DST: variants seen among roughly 807,000 people sequenced by gnomAD.
DST encodes the protein dystonin, also known as bullous pemphigoid antigen.
In DST, 253 loss-of-function variants were observed where a neutral mutation model predicts 875.2. That is an observed-to-expected ratio of 0.29 (90% CI 0.26 to 0.32). The LOEUF (loss-of-function observed/expected upper bound fraction) is 0.32. Ranked by LOEUF, DST falls within the 10% of genes least tolerant of loss-of-function variation. The probability of loss-of-function intolerance (pLI) is 1.00; values close to 1 mark genes in which losing one functional copy is unlikely to be tolerated. For missense variants in DST, 8,287 were observed against 9,111.6 expected, an observed-to-expected ratio of 0.91 and a Z score of 3.68; for synonymous variants, 3,124 against 3,197.1, an observed-to-expected ratio of 0.98 and a Z score of 0.77.
At chr6:56,577,672 C>T (rs1004217445) in intron 50 of DST, among the ~76,000 whole-genome samples, 1 of 152,104 alleles carries the variant, frequency 6.6e-6, no homozygotes, top group East Asian at 1.9e-4. Context: ...TTAATTCATG[C>T]TCTATTTAGG....
At chr6:56,507,007 A>G (rs2096337573) in intron 75 of DST, among the ~76,000 whole-genome samples, 1 of 152,244 alleles carries the variant, frequency 6.6e-6, no homozygotes, top group African/African-American at 2.4e-5. Context: ...TTATAAAGAT[A>G]TTTAAGAAAT....
rs148250164 is a variant in DST, at chr6:56,582,093, T to C, written c.12904-3156A>G. ...TTCCAGGATAATCTCTCTCTTGGATTGTTGAAAAAAGAATCCTAACTGTGT... is the reference window on the plus strand; with the variant it reads ...TTCCAGGATAATCTCTCTCTTGGATCGTTGAAAAAAGAATCCTAACTGTGT... On this transcript the variant is annotated intron_variant, in intron 49 of 103. Transcript: ENST00000680361. 3.3e-5 allele frequency among the ~76,000 whole-genome samples: 5 copies of C among 152,322 alleles called. No homozygotes were observed. In the East Asian group the frequency reaches 9.6e-4, roughly 29 times the overall value.
chr6:56,550,398 T>C (rs2097302664), intron 61 of DST, among the ~76,000 whole-genome samples: 1 of 152,242 alleles, frequency 6.6e-6, no homozygotes, highest in African/African-American at 2.4e-5. Context: ...ATTATCACTC[T>C]ATATTTCTTC....
rs976018343 is a variant in DST at position 56,886,855 on chromosome 6, C to T, written c.417+13566G>A. 7.3e-5 allele frequency among the ~76,000 whole-genome samples: 11 copies of T among 150,290 alleles called. No homozygotes were observed. In the South Asian group the frequency reaches 2.1e-3, roughly 29 times the overall value. ...GAATTCTCATCTCCCAAAGCACAAA[C>T]TAAATTTTGTTCAATTTCCATAGAT... On this transcript the variant is annotated intron_variant, in intron 3 of 103. Coordinates refer to ENST00000680361, the MANE Select transcript of DST (RefSeq NM_001374736.1).
intron 5 of DST, among the ~76,000 whole-genome samples, chr6:56,713,977 G>T (rs13219942): frequency 0.12 from 18,016 of 152,082 alleles, 1,456 homozygotes; most frequent in Middle Eastern, 0.19. Context: ...AATAACCCAG[G>T]ATTATGATCA....
intron 9 of DST, among the ~76,000 whole-genome samples, chr6:56,698,336 T>C (rs2099275199): frequency 1.3e-5 from 2 of 151,974 alleles, no homozygotes; most frequent in Non-Finnish European, 2.9e-5. Context: ...AAAATTTTTT[T>C]TTTTTTTGAG....
intron 73 of DST, among the ~76,000 whole-genome samples, chr6:56,510,387 T>C (rs1027733824): frequency 6.6e-6 from 1 of 152,116 alleles, no homozygotes; most frequent in Non-Finnish European, 1.5e-5. Context: ...AAGTTATGCA[T>C]TTCCTGAATT....
chr6:56,722,406 C>T (rs1033164376), intron 5 of DST, among the ~76,000 whole-genome samples: 8 of 135,418 alleles, frequency 5.9e-5, no homozygotes, highest in East Asian at 2.0e-4. Context: ...ATTTTTGAGA[C>T]GAAGTCTCAC....
Position 56,595,787 on chromosome 6 carries a change from C to CA in DST, c.12196-1595_12196-1594insT, listed in dbSNP as rs551422266. Among the ~76,000 whole-genome samples, 45 of 146,126 alleles carry CA rather than the reference C, an allele frequency of 3.1e-4. No homozygotes were observed. In the South Asian group the frequency reaches 7.9e-3, roughly 26 times the overall value. ...AAATACATTCATATGCTACCCCCAC[C>CA]CCACCCCGAGAAGGGCTTTGCACAA... is the stretch of plus-strand genomic sequence containing the variant. On this transcript the variant is annotated intron_variant, in intron 47 of 103. Coordinates refer to ENST00000680361, the MANE Select transcript of DST (RefSeq NM_001374736.1).
intron 79 of DST, 124 bp downstream of exon 79, chr6:56,501,396 C>T: frequency 8.9e-7 from 1 of 1,120,114 alleles, no homozygotes; most frequent in Non-Finnish European, 1.2e-6. Context: ...GTTTGACGCT[C>T]CTCATGGTTA....
chr6:56,727,771 A>G (rs2099470882), intron 5 of DST, among the ~76,000 whole-genome samples: 1 of 152,230 alleles, frequency 6.6e-6, no homozygotes, highest in African/African-American at 2.4e-5. Context: ...CTTTCTTTCT[A>G]CTTCTCTGTC....
intron 9 of DST, among the ~76,000 whole-genome samples, chr6:56,685,476 G>A (rs1195677528): frequency 6.6e-6 from 1 of 152,092 alleles, no homozygotes; most frequent in African/African-American, 2.4e-5. Flanking sequence ...AGTCAGAATG[G>A]TCATTATTAA....
intron 3 of DST, among the ~76,000 whole-genome samples, chr6:56,855,673 C>T (rs1767523561): frequency 6.6e-6 from 1 of 152,204 alleles, no homozygotes; most frequent in South Asian, 2.1e-4. Context: ...TTTATTCATG[C>T]ATTCCTTTTC....
Position 56,733,865 on chromosome 6 carries a change from A to G in DST, c.687+1363T>C, listed in dbSNP as rs184152907. On this transcript the variant is annotated intron_variant, in intron 5 of 103. Transcript: ENST00000680361. ...AAGAATAGTTCTTGGAGTCACAACAAGGGTGAAAAAAACAGGGGGAAATAA... is the reference window on the plus strand; with the variant it reads ...AAGAATAGTTCTTGGAGTCACAACAGGGGTGAAAAAAACAGGGGGAAATAA... Among the ~76,000 whole-genome samples, 14 of 152,338 alleles carry G rather than the reference A, an allele frequency of 9.2e-5. No homozygotes were observed. The East Asian group carries it at 2.1e-3, about 23-fold the overall frequency.
At chr6:56,704,224 C>G in intron 6 of DST, 56 bp downstream of exon 6, 1 of 866,002 alleles carries the variant, frequency 1.2e-6, no homozygotes, top group Admixed American at 2.7e-5. Context: ...ACATACTGGT[C>G]CTATGCAGAA....
At chr6:56,899,135 G>T (rs1469684170) in intron 3 of DST, among the ~76,000 whole-genome samples, 1 of 152,072 alleles carries the variant, frequency 6.6e-6, no homozygotes, top group East Asian at 1.9e-4. Context: ...TCATAGAATT[G>T]TTAAATAAGT....
At chr6:56,563,600 A>C (rs1311357919) in intron 55 of DST, among the ~76,000 whole-genome samples, 1 of 152,084 alleles carries the variant, frequency 6.6e-6, no homozygotes, top group Non-Finnish European at 1.5e-5. Context: ...CCATTTGTCA[A>C]TTTTGGCTTT....
chr6:56,694,728 A>G (rs558704666), intron 9 of DST, among the ~76,000 whole-genome samples: 28 of 152,162 alleles, frequency 1.8e-4, no homozygotes, highest in South Asian at 8.3e-4. Context: ...GTGACTCCCA[A>G]TGTTGGAGAT....
At chr6:56,638,052 C>G (rs917814324) in intron 22 of DST, among the ~76,000 whole-genome samples, 2 of 151,938 alleles carry the variant, frequency 1.3e-5, no homozygotes, top group Non-Finnish European at 2.9e-5. Flanking sequence ...ACAGGACAGG[C>G]CGATGGGATC....
Sources: allele counts gnomAD v4.1 joint callset (sites outside exome capture counted in the v4.1 genomes callset), GRCh38; gene constraint gnomAD v4.1.1; transcripts MANE v1.5; gene names NCBI Gene and HGNC (gene_info 2026-07-23, HGNC 2026-07-21).